RHPN2: variants seen among roughly 807,000 people sequenced by gnomAD.
RHPN2 encodes the protein rhophilin Rho GTPase binding protein 2, also known as rhophilin-2.
Under a neutral mutation model 79.0 loss-of-function variants are expected in RHPN2, and 40 were observed. The ratio of observed to expected loss-of-function variants is 0.51; its 90% CI spans 0.39 to 0.66. The LOEUF (loss-of-function observed/expected upper bound fraction) is 0.66. RHPN2 is among the 30% of genes least tolerant of loss of function. RHPN2 has a pLI of 0.00. For missense variants in RHPN2, 686 were observed against 883.5 expected (o/e 0.78, Z 2.83); for synonymous variants, 285 against 363.5 (o/e 0.78, Z 2.46).
rs751681388 is a variant in RHPN2, at chr19:33,002,296, G to A, written c.1056C>T (p.Tyr352=). 2.6e-5 allele frequency: 42 copies of A among 1,613,822 alleles called. No homozygotes were observed. The South Asian group carries it at 3.0e-4, about 11-fold the overall frequency. The change falls in exon 9 of 15, where the codon TAC becomes TAT. Residue 352 remains tyrosine (Y), a synonymous_variant. Coordinates refer to ENST00000254260, the MANE Select transcript of RHPN2 (RefSeq NM_033103.5). ...CAGTGAAGTAGTGGGCCAGGGCCGC[G>A]TAGTGGTGGGCCTTCACGCAGGCTA... is the stretch of plus-strand genomic sequence containing the variant. The part of the protein sequence containing the change: ...ASLACVKAHH[Y]AALAHYFTAI...
intron 2 of RHPN2, among the ~76,000 whole-genome samples, chr19:33,035,580 G>A (rs960376954): frequency 6.6e-6 from 1 of 152,130 alleles, no homozygotes; most frequent in Non-Finnish European, 1.5e-5. Flanking sequence ...TCTGAGCTTC[G>A]TTGCTAGCAC....
intron 6 of RHPN2, among the ~76,000 whole-genome samples, chr19:33,010,479 T>G (rs1266251480): frequency 7.0e-6 from 1 of 142,844 alleles, no homozygotes; most frequent in East Asian, 2.1e-4. Flanking sequence ...GCCTCCCGGG[T>G]TCAGGCGATT....
chr19:33,008,250 C>CAT (rs1971809527), intron 6 of RHPN2, 70 bp from the exon 7 acceptor site: 12 of 1,084,136 alleles, frequency 1.1e-5, no homozygotes, highest in Non-Finnish European at 1.6e-5. Flanking sequence ...GGAAAAAATT[C>CAT]TTTTTTTTTT....
intron 1 of RHPN2, among the ~76,000 whole-genome samples, chr19:33,055,441 G>A (rs1599837086): frequency 6.6e-6 from 1 of 151,710 alleles, no homozygotes; most frequent in East Asian, 1.9e-4. Flanking sequence ...ACTCTCCTCT[G>A]CCTCCCTCCC....
In RHPN2 at chr19:33,057,821, G is replaced by A. The variant is rs117753881; in HGVS notation, c.69+6963C>T. Among the ~76,000 whole-genome samples, 89 of 152,110 alleles carry A rather than the reference G, an allele frequency of 5.9e-4. 3 individuals are homozygous for A. In the East Asian group the frequency reaches 0.017, roughly 29 times the overall value. ...AGGCTAAGTTATGTCTTGAGGCTCT[G>A]TACAGCCAAGTCATCCTACCTGATT... On this transcript the variant is annotated intron_variant, in intron 1 of 14. Coordinates refer to ENST00000254260, the MANE Select transcript of RHPN2 (RefSeq NM_033103.5).
intron 1 of RHPN2, among the ~76,000 whole-genome samples, chr19:33,048,081 G>A (rs1262525592): frequency 6.6e-6 from 1 of 151,932 alleles, no homozygotes; most frequent in African/African-American, 2.4e-5. Context: ...TTCGGAATTC[G>A]AGTTGGCTTC....
chr19:33,058,632 T>C (rs10426046), intron 1 of RHPN2, among the ~76,000 whole-genome samples: 2,280 of 151,986 alleles, frequency 0.015, 74 homozygotes, highest in African/African-American at 0.052. Flanking sequence ...ATACAAAAAT[T>C]AGCTGGGCGT....
intron 2 of RHPN2, among the ~76,000 whole-genome samples, chr19:33,037,241 G>A (rs549128691): frequency 6.6e-6 from 1 of 152,264 alleles, no homozygotes; most frequent in Admixed American, 6.5e-5. Context: ...GTGGTGACTT[G>A]GAGAACCTTT....
intron 10 of RHPN2, among the ~76,000 whole-genome samples, chr19:32,998,008 C>T (rs1287042523): frequency 2.0e-5 from 3 of 152,148 alleles, no homozygotes; most frequent in African/African-American, 7.2e-5. Flanking sequence ...GATGAGGGCT[C>T]TCGCTCCTGT....
At chr19:33,064,755 T>TGGGGGGCCCC in intron 1 of RHPN2, 29 bp downstream of exon 1, 4 of 1,427,946 alleles carry the variant, frequency 2.8e-6, no homozygotes, top group Non-Finnish European at 3.8e-6. Flanking sequence ...AGCCCGCAGG[T>TGGGGGGCCCC]CCCCGCCCGC....
chr19:33,031,575 T>C (rs1200629382), intron 2 of RHPN2, among the ~76,000 whole-genome samples: 1 of 151,746 alleles, frequency 6.6e-6, no homozygotes, highest in African/African-American at 2.4e-5. Context: ...GATGGTGTCT[T>C]GCTATATTCC....
At chr19:33,037,123 G>T (rs1032742758) in intron 2 of RHPN2, among the ~76,000 whole-genome samples, 1 of 152,114 alleles carries the variant, frequency 6.6e-6, no homozygotes, top group Non-Finnish European at 1.5e-5. Flanking sequence ...TAAATACACC[G>T]ATCGGCACTC....
chr19:33,039,087 A>G (rs1274457423), intron 2 of RHPN2, among the ~76,000 whole-genome samples: 1 of 152,162 alleles, frequency 6.6e-6, no homozygotes, highest in African/African-American at 2.4e-5. Context: ...ACATTGACAT[A>G]GTGACTTGCC....
intron 2 of RHPN2, among the ~76,000 whole-genome samples, chr19:33,038,742 C>G (rs1454636756): frequency 6.6e-6 from 1 of 152,180 alleles, no homozygotes; most frequent in Non-Finnish European, 1.5e-5. Context: ...ACTGCAACCT[C>G]GAACTCCTGG....
intron 14 of RHPN2, among the ~76,000 whole-genome samples, chr19:32,982,130 G>C (rs1040466819): frequency 6.6e-6 from 1 of 152,118 alleles, no homozygotes; most frequent in Admixed American, 6.6e-5. Flanking sequence ...AAGAGGGGCC[G>C]GGCACAGTGT....
chr19:32,981,439 A>G (rs1163663921), intron 14 of RHPN2, among the ~76,000 whole-genome samples: 25 of 84,690 alleles, frequency 3.0e-4, no homozygotes, highest in East Asian at 4.3e-4. Context: ...GGGGGAAGGG[A>G]AGAGGGGAAA....
At chr19:33,035,931 A>G (rs1431271243) in intron 2 of RHPN2, among the ~76,000 whole-genome samples, 1 of 152,060 alleles carries the variant, frequency 6.6e-6, no homozygotes, top group African/African-American at 2.4e-5. Context: ...CCTGGCTAAC[A>G]CGGTGAAAAC....
At chr19:33,027,813 T>C (rs2145251141) in intron 2 of RHPN2, among the ~76,000 whole-genome samples, 1 of 152,202 alleles carries the variant, frequency 6.6e-6, no homozygotes, top group African/African-American at 2.4e-5. Context: ...CCATCACAGA[T>C]TCATAATAAA....
chr19:33,042,196 A>T (rs1284561192), intron 2 of RHPN2, among the ~76,000 whole-genome samples: 1 of 147,618 alleles, frequency 6.8e-6, no homozygotes, highest in Non-Finnish European at 1.5e-5. Flanking sequence ...TCTCAAAAAA[A>T]AAAAAAAGGT....
Sources: allele counts gnomAD v4.1 joint callset (sites outside exome capture counted in the v4.1 genomes callset), GRCh38; gene constraint gnomAD v4.1.1; transcripts MANE v1.5; gene names NCBI Gene and HGNC (gene_info 2026-07-23, HGNC 2026-07-21).